The following CDKL4 variants were observed in gnomAD, a reference collection of about 807,000 sequenced individuals.
CDKL4 encodes the protein cyclin dependent kinase like 4.
CDKL4 carries 44 observed loss-of-function variants against 42.0 expected under a neutral mutation model. That is an observed-to-expected ratio of 1.05 (90% CI 0.82 to 1.35). CDKL4 has a LOEUF of 1.35. CDKL4 is among the 40% of genes most tolerant of loss of function. CDKL4 has a pLI of 0.00. For missense variants in CDKL4, 393 were observed against 369.9 expected, an observed-to-expected ratio of 1.06 and a Z score of -0.51; for synonymous variants, 120 against 121.6, an observed-to-expected ratio of 0.99 and a Z score of 0.09.
chr2:39,186,263 A>C, intron 7 of CDKL4, among the ~76,000 whole-genome samples: 1 of 152,330 alleles, frequency 6.6e-6, no homozygotes, highest in East Asian at 1.9e-4. Flanking sequence ...ATATTATATG[A>C]AATAATTGAT....
intron 4 of CDKL4, among the ~76,000 whole-genome samples, chr2:39,208,677 C>T (rs1677367178): frequency 6.8e-6 from 1 of 147,744 alleles, no homozygotes; most frequent in Admixed American, 6.8e-5. Flanking sequence ...TGCTCAGGTT[C>T]AGTTGTTGTG....
chr2:39,233,987 C>T (rs1679225212), intron 1 of CDKL4, among the ~76,000 whole-genome samples: 1 of 147,502 alleles, frequency 6.8e-6, no homozygotes, highest in Non-Finnish European at 1.5e-5. Flanking sequence ...GATCTCGGCT[C>T]ACTGCAACCT....
chr2:39,222,358 G>A (rs527814195), intron 3 of CDKL4, among the ~76,000 whole-genome samples: 1 of 152,276 alleles, frequency 6.6e-6, no homozygotes, highest in African/African-American at 2.4e-5. Flanking sequence ...GGGAGGCTGA[G>A]GCAGGTGGAT....
In CDKL4 at chr2:39,190,477, A is replaced by T; in HGVS notation, c.480T>A (p.Tyr160Ter). ...GAGCTCGGTACCATCTCGTAGCTAC[A>T]TAATCGGTGTAGGCATCTCCTGGAA... is the stretch of plus-strand genomic sequence containing the variant. Residue 160 changes from tyrosine (Y) to a stop codon, truncating the protein, a stop_gained, in exon 6 of 10, where the codon TAT (tyrosine) becomes TAA (stop). Transcript: ENST00000451199. LOFTEE classifies it high-confidence loss of function. 6.2e-7 allele frequency: 1 copy of T among 1,614,142 alleles called. No homozygotes were observed. The highest frequency in any genetic ancestry group is 1.3e-5 in the African/African-American group (1 of 75,024).
rs770948985 is a variant in CDKL4, at chr2:39,195,641, A to ATT, written c.455-5141_455-5140dup. 7.3e-4 allele frequency among the ~76,000 whole-genome samples: 96 copies of ATT among 131,422 alleles called. 1 individual carries two copies. Among genetic ancestry groups the ATT allele is most frequent in the African/African-American group, 1.3e-3 (46 of 35,216 alleles). 86.2% of individuals were successfully genotyped at this position (131,422 alleles called of 152,430 possible). A position where few individuals can be genotyped will look rare whatever the true frequency, so the allele number is the denominator to read the frequency against. On this transcript the variant is annotated intron_variant, in intron 5 of 9. Transcript: ENST00000451199. ...TTTTTATTTTTTACATTTTTAATTA[A>ATT]TTTTTTTTTTTTTTTTTTTGAGACA...
intron 1 of CDKL4, among the ~76,000 whole-genome samples, chr2:39,233,356 G>T (rs1049497203): frequency 3.3e-5 from 5 of 152,242 alleles, no homozygotes; most frequent in Middle Eastern, 3.4e-3. Context: ...GCACTAGTCA[G>T]TGTGGCACCA....
intron 9 of CDKL4, among the ~76,000 whole-genome samples, chr2:39,176,576 G>A (rs1223598415): frequency 6.6e-6 from 1 of 152,166 alleles, no homozygotes; most frequent in East Asian, 1.9e-4. Context: ...TGAGATTACA[G>A]GTGTGAGCCA....
chr2:39,224,817 G>T (rs1202011053), intron 3 of CDKL4, among the ~76,000 whole-genome samples: 2 of 152,036 alleles, frequency 1.3e-5, no homozygotes, highest in African/African-American at 2.4e-5. Flanking sequence ...CTAAAGTGTT[G>T]TTTGATACAA....
chr2:39,220,974 ATCTTT>A (rs1678288148), intron 3 of CDKL4, among the ~76,000 whole-genome samples: 1 of 37,130 alleles, frequency 2.7e-5, no homozygotes, highest in African/African-American at 7.8e-5. Flanking sequence ...TACATCGACG[ATCTTT>A]TTTTTTTTTT....
upstream of CDKL4, among the ~76,000 whole-genome samples, chr2:39,246,481 G>A (rs1246137739): frequency 6.6e-6 from 1 of 152,148 alleles, no homozygotes; most frequent in Non-Finnish European, 1.5e-5. Flanking sequence ...ATTCCTAGCT[G>A]CTTCTCTCAT....
At chr2:39,181,013 T>C (rs1405913033) in intron 8 of CDKL4, among the ~76,000 whole-genome samples, 2 of 152,232 alleles carry the variant, frequency 1.3e-5, no homozygotes, top group African/African-American at 2.4e-5. Flanking sequence ...ATACAAACTG[T>C]GATAGTCTCT....
intron 1 of CDKL4, among the ~76,000 whole-genome samples, 73 bp downstream of exon 1, chr2:39,243,798 G>C (rs1415370988): frequency 6.6e-6 from 1 of 152,186 alleles, no homozygotes; most frequent in Non-Finnish European, 1.5e-5. Flanking sequence ...CCGCAGTCTA[G>C]ACCTCGCGGC....
At chr2:39,205,826 A>C (rs1378757397) in intron 4 of CDKL4, among the ~76,000 whole-genome samples, 1 of 151,542 alleles carries the variant, frequency 6.6e-6, no homozygotes, top group Non-Finnish European at 1.5e-5. Flanking sequence ...ATGCCCCGAC[A>C]AAAGGCACAA....
intron 5 of CDKL4, among the ~76,000 whole-genome samples, chr2:39,193,148 A>AAAT (rs1247112714): frequency 2.7e-5 from 4 of 148,336 alleles, no homozygotes; most frequent in African/African-American, 7.4e-5. Flanking sequence ...AAAAAAAAAA[A>AAAT]AGGAGCCAGG....
intron 5 of CDKL4, among the ~76,000 whole-genome samples, chr2:39,203,909 G>T (rs977711576): frequency 1.2e-4 from 18 of 152,184 alleles, no homozygotes; most frequent in Admixed American, 7.2e-4. Flanking sequence ...ACTCGTGTTT[G>T]GGTCCCATCA....
chr2:39,179,031 T>C, intron 9 of CDKL4, 156 bp downstream of exon 9: 1 of 1,479,678 alleles, frequency 6.8e-7, no homozygotes, highest in Non-Finnish European at 8.9e-7. Flanking sequence ...ATGGTTTTAT[T>C]ACATCAATTA....
chr2:39,243,288 T>G (rs1013577602), intron 1 of CDKL4, among the ~76,000 whole-genome samples: 1 of 152,156 alleles, frequency 6.6e-6, no homozygotes, highest in Non-Finnish European at 1.5e-5. Flanking sequence ...ATAAAACTAA[T>G]TAGTCAAATG....
At position 39,230,848 on chromosome 2, in the gene CDKL4, C is replaced by T. The variant is rs577779099; in HGVS notation, c.-56-1260G>A. On this transcript the variant is annotated intron_variant, in intron 1 of 9. Transcript: ENST00000451199. Reference sequence around the variant, plus strand: ...GAAGGTAATACAGAATTAGAACCCACGGAGTGAGATTTCAAAGAACACAAT... The same window carrying T: ...GAAGGTAATACAGAATTAGAACCCATGGAGTGAGATTTCAAAGAACACAAT... 3.3e-4 allele frequency among the ~76,000 whole-genome samples: 50 copies of T among 152,272 alleles called. 1 individual carries two copies. The South Asian group carries it at 8.9e-3, about 27-fold the overall frequency.
intron 2 of CDKL4, among the ~76,000 whole-genome samples, chr2:39,228,304 G>A (rs927722121): frequency 6.6e-6 from 1 of 152,082 alleles, no homozygotes; most frequent in Admixed American, 6.5e-5. Context: ...AGGTAAGAGT[G>A]AACTTTTTTT....
Sources: gnomAD v4.1 joint callset for allele counts (sites outside exome capture counted in the v4.1 genomes callset) on GRCh38, gnomAD v4.1.1 for gene constraint, MANE v1.5 for transcripts, NCBI Gene and HGNC (gene_info 2026-07-23, HGNC 2026-07-21) for gene names.